The following SORCS3 variants were observed in gnomAD, a reference collection of about 807,000 sequenced individuals.
SORCS3 encodes the protein sortilin related VPS10 domain containing receptor 3, also known as VPS10 domain-containing receptor SorCS3.
A neutral mutation model predicts 146.3 loss-of-function variants in SORCS3; 57 were observed. The observed-to-expected ratio is 0.39, with a 90% CI of 0.31 to 0.49. The LOEUF is 0.49. SORCS3 is among the 20% of genes least tolerant of loss of function. The pLI is 0.92. For missense variants in SORCS3, 1,341 were observed against 1,575.5 expected (o/e 0.85, Z 2.52); for synonymous variants, 653 against 618.5 (o/e 1.06, Z -0.83).
intron 1 of SORCS3, among the ~76,000 whole-genome samples, chr10:104,706,198 C>CTT (rs1215766842): frequency 3.0e-4 from 36 of 121,404 alleles, no homozygotes; most frequent in African/African-American, 1.0e-3. Context: ...TTCTTTTCTT[C>CTT]TTCTTTTTTT....
chr10:104,726,176 C>T (rs1232816089), intron 1 of SORCS3, among the ~76,000 whole-genome samples: 1 of 152,156 alleles, frequency 6.6e-6, no homozygotes, highest in Non-Finnish European at 1.5e-5. Flanking sequence ...AGGCAAATTC[C>T]CCTTATCCAA....
At chr10:104,998,759 C>T (rs547868819) in intron 4 of SORCS3, among the ~76,000 whole-genome samples, 60 of 152,222 alleles carry the variant, frequency 3.9e-4, no homozygotes, top group African/African-American at 1.4e-3. Flanking sequence ...GACCGTACAT[C>T]ACTGAGGACA....
At chr10:105,089,716 A>T in intron 5 of SORCS3, 59 bp from the exon 6 acceptor site, 1 of 1,407,092 alleles carries the variant, frequency 7.1e-7, no homozygotes, top group Non-Finnish European at 1.0e-6. Context: ...AGTGCATCCC[A>T]CTTTGCTGTC....
chr10:104,838,236 T>C (rs1475459842), intron 1 of SORCS3, among the ~76,000 whole-genome samples: 1 of 152,158 alleles, frequency 6.6e-6, no homozygotes, highest in Non-Finnish European at 1.5e-5. Flanking sequence ...TCCACCATCC[T>C]GCCTGCCATA....
intron 1 of SORCS3, among the ~76,000 whole-genome samples, chr10:104,654,645 T>C (rs532632104): frequency 1.3e-4 from 20 of 152,346 alleles, no homozygotes; most frequent in African/African-American, 4.8e-4. Flanking sequence ...CATAGAAATC[T>C]AGGGTCAAAA....
Position 104,700,619 on chromosome 10 carries a change from A to G in SORCS3, c.627+58665A>G, listed in dbSNP as rs147243881. 1.8e-4 allele frequency among the ~76,000 whole-genome samples: 27 copies of G among 147,868 alleles called. No individual in the cohort carries two copies. In the East Asian group the frequency reaches 5.7e-3, roughly 31 times the overall value. ...CTCATCAGAATAAAATGGAGTCGGGAGAGCAGTTTCCGAAGGAAGGGACAT... is the reference window on the plus strand; with the variant it reads ...CTCATCAGAATAAAATGGAGTCGGGGGAGCAGTTTCCGAAGGAAGGGACAT... On this transcript the variant is annotated intron_variant, in intron 1 of 26. Coordinates refer to ENST00000369701, the MANE Select transcript of SORCS3 (RefSeq NM_014978.3).
chr10:104,957,466 A>G (rs915553490), intron 3 of SORCS3, among the ~76,000 whole-genome samples: 1 of 152,126 alleles, frequency 6.6e-6, no homozygotes, highest in Non-Finnish European at 1.5e-5. Context: ...ACCTTTTGAC[A>G]AATGTGCTGT....
intron 20 of SORCS3, among the ~76,000 whole-genome samples, chr10:105,225,039 T>C (rs765437378): frequency 2.0e-5 from 3 of 152,148 alleles, no homozygotes; most frequent in African/African-American, 2.4e-5. Flanking sequence ...GCTTATCTTT[T>C]CAACTTCTTG....
chr10:105,105,623 G>A (rs17118359), intron 7 of SORCS3, 108 bp downstream of exon 7: 182,417 of 776,382 alleles, frequency 0.23, 23,175 homozygotes, highest in Admixed American at 0.42. Context: ...GTGGAGTTGA[G>A]ACACTGTCCC....
At chr10:104,756,267 G>A (rs1472604344) in intron 1 of SORCS3, among the ~76,000 whole-genome samples, 5 of 152,154 alleles carry the variant, frequency 3.3e-5, no homozygotes, top group Non-Finnish European at 5.9e-5. Flanking sequence ...TACTATGGGG[G>A]CATATAAAAA....
At chr10:104,787,808 G>A (rs1474009272) in intron 1 of SORCS3, among the ~76,000 whole-genome samples, 2 of 152,144 alleles carry the variant, frequency 1.3e-5, no homozygotes, top group African/African-American at 4.8e-5. Context: ...TTCAGTGCAG[G>A]GAAACAGAAA....
chr10:105,157,929 GT>G (rs2056225954), intron 10 of SORCS3, among the ~76,000 whole-genome samples: 1 of 152,326 alleles, frequency 6.6e-6, no homozygotes, highest in East Asian at 1.9e-4. Context: ...AAATGGTTAT[GT>G]TTCTTCTGAG....
At chr10:105,029,598 T>C (rs937102536) in intron 4 of SORCS3, among the ~76,000 whole-genome samples, 1 of 152,202 alleles carries the variant, frequency 6.6e-6, no homozygotes, top group African/African-American at 2.4e-5. Context: ...TCTTCCAATC[T>C]CCTTTGTCAA....
intron 1 of SORCS3, among the ~76,000 whole-genome samples, chr10:104,767,962 T>G (rs192021909): frequency 1.3e-5 from 2 of 152,198 alleles, no homozygotes; most frequent in East Asian, 3.9e-4. Context: ...CGTACTCCAG[T>G]ACAGTGCATA....
At chr10:105,163,170 A>G (rs1314043861) in intron 11 of SORCS3, among the ~76,000 whole-genome samples, 4 of 152,100 alleles carry the variant, frequency 2.6e-5, no homozygotes, top group South Asian at 2.1e-4. Flanking sequence ...CAAGTTGGCT[A>G]TCTGTGTGCT....
chr10:104,852,675 C>A (rs1249200660), intron 2 of SORCS3, among the ~76,000 whole-genome samples: 10 of 152,180 alleles, frequency 6.6e-5, no homozygotes, highest in Non-Finnish European at 1.2e-4. Context: ...TCTCCCACAG[C>A]ATACCACCTT....
chr10:104,986,104 T>C (rs527987468), intron 4 of SORCS3, among the ~76,000 whole-genome samples: 1 of 152,358 alleles, frequency 6.6e-6, no homozygotes, highest in Admixed American at 6.5e-5. Context: ...TGTCTTCCAA[T>C]AGAAGGCTGC....
chr10:104,883,356 T>C (rs946388767), intron 2 of SORCS3, among the ~76,000 whole-genome samples: 14 of 152,224 alleles, frequency 9.2e-5, no homozygotes, highest in Non-Finnish European at 1.5e-5. Flanking sequence ...GATCTGGCTA[T>C]TGGTGAATGG....
chr10:105,135,707 G>A (rs1037960839), intron 7 of SORCS3, among the ~76,000 whole-genome samples: 3 of 152,054 alleles, frequency 2.0e-5, no homozygotes, highest in Non-Finnish European at 2.9e-5. Flanking sequence ...CTTGTACACC[G>A]CTTACAATTT....
Sources: gnomAD v4.1 joint callset for allele counts (sites outside exome capture counted in the v4.1 genomes callset) on GRCh38, gnomAD v4.1.1 for gene constraint, MANE v1.5 for transcripts, NCBI Gene and HGNC (gene_info 2026-07-23, HGNC 2026-07-21) for gene names.